Variants in MYH4 observed in about 807,000 individuals in gnomAD.
The protein encoded by MYH4 is myosin-4.
In MYH4, 200 loss-of-function variants were observed where a neutral mutation model predicts 229.9. That is an observed-to-expected ratio of 0.87 (90% CI 0.78 to 0.98). The LOEUF (loss-of-function observed/expected upper bound fraction) is 0.98, where lower values mean the gene tolerates loss of function less well. MYH4 is among the 50% of genes least tolerant of loss of function. MYH4 has a pLI of 0.00. For synonymous variants in MYH4, 761 were observed against 834.6 expected, an observed-to-expected ratio of 0.91 and a Z score of 1.52; for missense variants, 2,148 against 2,332.6, an observed-to-expected ratio of 0.92 and a Z score of 1.63.
intron 2 of MYH4, among the ~76,000 whole-genome samples, chr17:10,468,613 C>G (rs12936398): frequency 0.052 from 7,954 of 152,230 alleles, 237 homozygotes; most frequent in South Asian, 0.12. Flanking sequence ...AGTTTTGATT[C>G]TCCATTAGCA....
Position 10,455,237 on chromosome 17 carries a change from C to T in MYH4, c.2233G>A (p.Ala745Thr). Residue 745 changes from alanine to threonine, a missense_variant, in exon 20 of 40, where the codon GCT becomes ACT. By Grantham distance (58) the Ala-to-Thr change is moderately conservative. Coordinates refer to ENST00000255381, the MANE Select transcript of MYH4 (RefSeq NM_017533.2). ...PEGQFIDSKK[A>T]SEKLLGSIEI... is the part of the protein sequence containing the mutation. Reference sequence around the variant, plus strand: ...ATAGACCCTAGAAGTTTCTCAGAAGCCTTCTTGCTGTCAATGAACTGACCC... The same window carrying T: ...ATAGACCCTAGAAGTTTCTCAGAAGTCTTCTTGCTGTCAATGAACTGACCC... 1 of 1,613,928 alleles carries T rather than the reference C, an allele frequency of 6.2e-7. No individual in the cohort carries two copies.
rs766126053 is a variant in MYH4, at chr17:10,465,548, C to T, written c.399G>A (p.Pro133=). The change falls in exon 5 of 40, where the codon CCG becomes CCA. Residue 133 remains proline, a synonymous_variant. Coordinates refer to ENST00000255381, the MANE Select transcript of MYH4 (RefSeq NM_017533.2). ...CTGTCACCACCTCAGGGTTGTACACCGGCAGCCACTTGTAGGGGTTGACGG... is the reference window on the plus strand; with the variant it reads ...CTGTCACCACCTCAGGGTTGTACACTGGCAGCCACTTGTAGGGGTTGACGG... ...CVTVNPYKWL[P]VYNPEVVTAY... The T allele has an allele frequency of 9.9e-6, 16 of 1,613,962 alleles. No individual in the cohort carries two copies. The highest frequency in any genetic ancestry group is 1.4e-5 in the Non-Finnish European group (16 of 1,180,022).
In MYH4 at chr17:10,444,910, A is replaced by G. The variant is rs1422747475; in HGVS notation, c.5467-11T>C. 3 of 1,613,998 alleles carry G rather than the reference A, an allele frequency of 1.9e-6. No homozygotes were observed. The highest frequency in any genetic ancestry group is 2.5e-6 in the Non-Finnish European group (3 of 1,180,024). On this transcript the variant is annotated splice_polypyrimidine_tract_variant and intron_variant, in intron 37 of 39. Coordinates refer to ENST00000255381, the MANE Select transcript of MYH4 (RefSeq NM_017533.2). ...TTCAAGCTCTCTCACCTGGAAGGGAACAAAGACGTTTACCAGTTTGGCTGT... is the reference window on the plus strand; with the variant it reads ...TTCAAGCTCTCTCACCTGGAAGGGAGCAAAGACGTTTACCAGTTTGGCTGT...
chr17:10,444,924 C>T lies in MYH4; in HGVS notation c.5467-25G>A, dbSNP rs779517826. The T allele has an allele frequency of 1.8e-5, 29 of 1,613,976 alleles. 1 individual carries two copies. Among genetic ancestry groups the T allele is most frequent in the Admixed American group, 1.7e-5 (1 of 60,004 alleles). On this transcript the variant is annotated intron_variant, in intron 37 of 39. Coordinates refer to ENST00000255381, the MANE Select transcript of MYH4 (RefSeq NM_017533.2). Reference sequence around the variant, plus strand: ...CCTGGAAGGGAACAAAGACGTTTACCAGTTTGGCTGTAACTGGCCACAAGG... The same window carrying T: ...CCTGGAAGGGAACAAAGACGTTTACTAGTTTGGCTGTAACTGGCCACAAGG...
rs61521510 is a variant in MYH4, at chr17:10,444,833, G to A, written c.5533C>T (p.Arg1845Cys). The change falls in exon 38 of 40, where the codon CGC becomes TGC. Residue 1845 changes from arginine to cysteine, a missense_variant. Coordinates refer to ENST00000255381, the MANE Select transcript of MYH4 (RefSeq NM_017533.2). ...KHNVEAVKGL[R>C]KHERRVKELT... is the part of the protein sequence containing the mutation. Reference sequence around the variant, plus strand: ...TCCTTCACTCTTCTCTCATGTTTGCGAAGACCCTTGACAGCCTCAACATTG... The same window carrying A: ...TCCTTCACTCTTCTCTCATGTTTGCAAAGACCCTTGACAGCCTCAACATTG... 622 of 1,614,004 alleles carry A rather than the reference G, an allele frequency of 3.9e-4. 8 individuals carry two copies. In the East Asian group the frequency reaches 8.3e-3, roughly 21 times the overall value.
chr17:10,454,755 A>G lies in MYH4; in HGVS notation c.2491T>C (p.Trp831Arg). 1.2e-6 allele frequency: 2 copies of G among 1,614,200 alleles called. No homozygotes were observed. Among genetic ancestry groups the G allele is most frequent in the East Asian group, 2.2e-5 (1 of 44,880 alleles). The change falls in exon 22 of 40, where the codon TGG (tryptophan) becomes CGG (arginine). Residue 831 changes from tryptophan (W) to arginine (R), a missense_variant. Transcript: ENST00000255381. Reference protein sequence around the residue: ...NIRAFMNVKHWPWMKLYFKIK... With the variant: ...NIRAFMNVKHRPWMKLYFKIK... The stretch of plus-strand genomic sequence containing the variant: ...TTGAAATACAGCTTCATCCAGGGCC[A>G]GTGCTTCACATTCATGAAAGCACGG...
intron 15 of MYH4, among the ~76,000 whole-genome samples, chr17:10,458,613 C>A (rs182872089): frequency 6.6e-6 from 1 of 152,266 alleles, no homozygotes; most frequent in East Asian, 1.9e-4. Context: ...TTATTGATAT[C>A]AATAAGTATA....
intron 14 of MYH4, 27 bp downstream of exon 14, chr17:10,459,925 C>T: frequency 1.9e-6 from 3 of 1,613,710 alleles, no homozygotes; most frequent in South Asian, 1.1e-5. Flanking sequence ...TTTGCACTGG[C>T]TAATTTTCTG....
In MYH4 at chr17:10,448,887, T is replaced by G. The variant is rs150514431; in HGVS notation, c.4342A>C (p.Lys1448Gln). The G allele has an allele frequency of 1.2e-6, 2 of 1,614,024 alleles. No homozygotes were observed. The highest frequency in any genetic ancestry group is 2.7e-5 in the African/African-American group (2 of 74,948). ...RSNAACIALD[K>Q]KQRNFDKVLA... ...ACCTTGTCAAAGTTTCTTTGCTTCTTATCGAGAGCTATGCAGGCAGCATTA... is the reference window on the plus strand; with the variant it reads ...ACCTTGTCAAAGTTTCTTTGCTTCTGATCGAGAGCTATGCAGGCAGCATTA... The change falls in exon 31 of 40, where the codon AAG (lysine) becomes CAG (glutamine). Residue 1448 changes from lysine (K) to glutamine (Q), a missense_variant. Lys to Gln is a moderately conservative substitution (Grantham distance 53, BLOSUM62 1). Transcript: ENST00000255381.
chr17:10,451,891 A>G, intron 27 of MYH4, 50 bp downstream of exon 27: 1 of 1,546,636 alleles, frequency 6.5e-7, no homozygotes, highest in Non-Finnish European at 8.7e-7. Flanking sequence ...AAACTTGGTC[A>G]TTTTGAATTG....
chr17:10,444,995 A>T lies in MYH4; in HGVS notation c.5447T>A (p.Ile1816Asn). ...QLALKGGKKQ[I>N]QKLEARVREL... ...ACCTACCCTGGCCTCCAGTTTCTGG[A>T]TCTGCTTCTTCCCACCCTTCAGCGC... The change falls in exon 37 of 40, where the codon ATC (isoleucine) becomes AAC (asparagine). Residue 1816 changes from isoleucine (I) to asparagine (N), a missense_variant. Transcript: ENST00000255381. The T allele has an allele frequency of 6.2e-7, 1 of 1,614,046 alleles. No individual in the cohort carries two copies. The highest frequency in any genetic ancestry group is 8.5e-7 in the Non-Finnish European group (1 of 1,179,990).
At chr17:10,463,260 A>C in intron 9 of MYH4, 72 bp from the exon 10 acceptor site, 1 of 1,552,158 alleles carries the variant, frequency 6.4e-7, no homozygotes, top group African/African-American at 1.4e-5. Context: ...AATTTCACAC[A>C]ACAGAAATAA....
intron 15 of MYH4, among the ~76,000 whole-genome samples, chr17:10,458,446 C>T (rs530319031): frequency 5.9e-5 from 9 of 152,274 alleles, no homozygotes; most frequent in Admixed American, 3.9e-4. Flanking sequence ...ACCAGATTAA[C>T]GTATCTTTTC....
intron 2 of MYH4, 118 bp downstream of exon 2, chr17:10,469,170 C>T (rs2072796862): frequency 1.3e-5 from 2 of 152,176 alleles, no homozygotes; most frequent in African/African-American, 2.4e-5. Context: ...TTTTAAAGAA[C>T]AGCTGCCCCG....
At chr17:10,462,522 C>A (rs2072713671) in intron 11 of MYH4, among the ~76,000 whole-genome samples, 1 of 152,154 alleles carries the variant, frequency 6.6e-6, no homozygotes, top group Non-Finnish European at 1.5e-5. Flanking sequence ...GCAGCTCCTT[C>A]CCAGAATCTT....
Position 10,454,692 on chromosome 17 carries a change from CCTT to C in MYH4, c.2551_2553del (p.Lys851del), listed in dbSNP as rs754071703. 6.2e-7 allele frequency: 1 copy of C among 1,614,196 alleles called. No individual in the cohort carries two copies. Among genetic ancestry groups the C allele is most frequent in the South Asian group, 1.1e-5 (1 of 91,082 alleles). ...AATTCTTCCTTCATGTTGGCCATCTCCTTCTCTGTCTCTGCACTCTTGAGGAGG... is the reference window on the plus strand; with the variant it reads ...AATTCTTCCTTCATGTTGGCCATCTCCTCTGTCTCTGCACTCTTGAGGAGG... On this transcript the variant is annotated inframe_deletion, in exon 22 of 40. Coordinates refer to ENST00000255381, the MANE Select transcript of MYH4 (RefSeq NM_017533.2).
intron 11 of MYH4, among the ~76,000 whole-genome samples, chr17:10,461,544 G>C (rs959003677): frequency 6.6e-6 from 1 of 152,030 alleles, no homozygotes; most frequent in East Asian, 1.9e-4. Context: ...GATAAAGTTG[G>C]AAAGAGGGTA....
intron 15 of MYH4, among the ~76,000 whole-genome samples, chr17:10,458,446 C>G (rs530319031): frequency 6.6e-6 from 1 of 152,156 alleles, no homozygotes; most frequent in Admixed American, 6.5e-5. Context: ...ACCAGATTAA[C>G]GTATCTTTTC....
At position 10,448,537 on chromosome 17, in the gene MYH4, C is replaced by A; in HGVS notation, c.4532-17G>T. The stretch of plus-strand genomic sequence containing the variant: ...AAATCTCCTCTGTAATAATAAAGTA[C>A]CAAATTTCAGTTAAGTAGAAAGAAA... On this transcript the variant is annotated splice_polypyrimidine_tract_variant and intron_variant, in intron 32 of 39. Coordinates refer to ENST00000255381, the MANE Select transcript of MYH4 (RefSeq NM_017533.2). 1 of 1,611,090 alleles carries A rather than the reference C, an allele frequency of 6.2e-7. No homozygotes were observed. The highest frequency in any genetic ancestry group is 8.5e-7 in the Non-Finnish European group (1 of 1,179,170).
Sources: gnomAD v4.1 joint callset for allele counts (sites outside exome capture counted in the v4.1 genomes callset) on GRCh38, gnomAD v4.1.1 for gene constraint, MANE v1.5 for transcripts, NCBI Gene and HGNC (gene_info 2026-07-23, HGNC 2026-07-21) for gene names.